The following DYM variants were observed in gnomAD, a reference collection of about 807,000 sequenced individuals.
The protein encoded by DYM is dymeclin.
Under a neutral mutation model 93.1 loss-of-function variants are expected in DYM, and 78 were observed. That is an observed-to-expected ratio of 0.84 (90% CI 0.70 to 1.01). DYM has a LOEUF of 1.01. DYM is among the 50% of genes least tolerant of loss of function. The probability of loss-of-function intolerance (pLI) is 0.00; values close to 1 mark genes in which losing one functional copy is unlikely to be tolerated. For synonymous variants in DYM, 321 were observed against 319.7 expected, an observed-to-expected ratio of 1.00 and a Z score of -0.04; for missense variants, 789 against 845.0, an observed-to-expected ratio of 0.93 and a Z score of 0.82.
At chr18:49,144,919 G>A (rs548150957) in intron 15 of DYM, among the ~76,000 whole-genome samples, 1 of 150,812 alleles carries the variant, frequency 6.6e-6, no homozygotes. Flanking sequence ...CAACACAGTG[G>A]GACCCTGCTG....
intron 2 of DYM, among the ~76,000 whole-genome samples, chr18:49,419,150 C>T (rs1392034763): frequency 6.6e-6 from 1 of 152,026 alleles, no homozygotes; most frequent in African/African-American, 2.4e-5. Context: ...ATCAGGAGGT[C>T]AGGAGTTCAA....
chr18:49,233,909 G>A (rs1351811776), intron 13 of DYM, among the ~76,000 whole-genome samples: 3 of 151,634 alleles, frequency 2.0e-5, no homozygotes, highest in East Asian at 3.9e-4. Flanking sequence ...GGTGGATCAC[G>A]AGGTCAAGAG....
intron 17 of DYM, among the ~76,000 whole-genome samples, chr18:49,077,981 A>T (rs927528936): frequency 6.6e-6 from 1 of 151,790 alleles, no homozygotes; most frequent in Non-Finnish European, 1.5e-5. Flanking sequence ...TGCCAATATC[A>T]TATTTTGCTT....
intron 15 of DYM, among the ~76,000 whole-genome samples, chr18:49,160,522 T>A (rs1287947126): frequency 2.7e-5 from 4 of 147,228 alleles, no homozygotes. Context: ...CAAACTCTGC[T>A]AATACAGTAC....
At chr18:49,135,495 A>T (rs2083761236) in intron 15 of DYM, among the ~76,000 whole-genome samples, 1 of 152,204 alleles carries the variant, frequency 6.6e-6, no homozygotes, top group Non-Finnish European at 1.5e-5. Context: ...TGGAAATGAG[A>T]CAATGAACAT....
intron 2 of DYM, among the ~76,000 whole-genome samples, chr18:49,405,824 C>T (rs2071429727): frequency 1.3e-5 from 2 of 152,276 alleles, no homozygotes; most frequent in South Asian, 4.1e-4. Context: ...ACAGTATGGC[C>T]ATTTTAACAA....
At chr18:49,408,856 C>A (rs980353919) in intron 2 of DYM, among the ~76,000 whole-genome samples, 1 of 152,162 alleles carries the variant, frequency 6.6e-6, no homozygotes, top group African/African-American at 2.4e-5. Flanking sequence ...AAATATTGTA[C>A]AGAGTTTATA....
At chr18:49,105,025 A>G (rs1417705441) in intron 16 of DYM, among the ~76,000 whole-genome samples, 1 of 152,200 alleles carries the variant, frequency 6.6e-6, no homozygotes, top group Non-Finnish European at 1.5e-5. Flanking sequence ...TTCAGCTGTG[A>G]ATCCATCTGG....
intron 15 of DYM, among the ~76,000 whole-genome samples, chr18:49,140,018 T>TAGGG (rs746273068): frequency 6.6e-6 from 1 of 152,320 alleles, no homozygotes; most frequent in Non-Finnish European, 1.5e-5. Context: ...ACTCTGTACT[T>TAGGG]ACGCCCACAG....
intron 17 of DYM, among the ~76,000 whole-genome samples, chr18:49,050,775 C>T (rs1397278386): frequency 1.3e-5 from 2 of 152,108 alleles, no homozygotes; most frequent in East Asian, 1.9e-4. Flanking sequence ...CTTCACAACA[C>T]TCAGTGCAAT....
At chr18:49,391,783 A>G in intron 2 of DYM, 138 bp from the exon 3 acceptor site, 1 of 644,828 alleles carries the variant, frequency 1.6e-6, no homozygotes, top group South Asian at 2.2e-5. Context: ...CAATAAGATC[A>G]GCAAAAAAAA....
intron 2 of DYM, among the ~76,000 whole-genome samples, chr18:49,418,839 C>A (rs1019166301): frequency 6.6e-6 from 1 of 152,062 alleles, no homozygotes; most frequent in South Asian, 2.1e-4. Context: ...ATATCAAATA[C>A]CATCAGTGAG....
chr18:49,391,090 A>G (rs1318067866), intron 3 of DYM, among the ~76,000 whole-genome samples: 2 of 152,216 alleles, frequency 1.3e-5, no homozygotes, highest in African/African-American at 2.4e-5. Context: ...ATTTTTCCTT[A>G]TAAGAATCCT....
intron 5 of DYM, among the ~76,000 whole-genome samples, chr18:49,368,906 T>A (rs1374743928): frequency 3.3e-5 from 5 of 152,242 alleles, no homozygotes; most frequent in Admixed American, 2.0e-4. Flanking sequence ...CTATCTTGTA[T>A]CACTTTTTTG....
intron 13 of DYM, among the ~76,000 whole-genome samples, chr18:49,243,033 C>G (rs757318368): frequency 6.6e-6 from 1 of 152,162 alleles, no homozygotes; most frequent in African/African-American, 2.4e-5. Context: ...GCTTAGGGAA[C>G]GGCCAAGAGC....
chr18:49,086,711 G>A (rs1392640099), intron 17 of DYM, among the ~76,000 whole-genome samples: 1 of 152,070 alleles, frequency 6.6e-6, no homozygotes, highest in Non-Finnish European at 1.5e-5. Flanking sequence ...GAGACTGCAG[G>A]GCTGGGCGCG....
At chr18:49,151,488 T>A (rs2085810795) in intron 15 of DYM, among the ~76,000 whole-genome samples, 1 of 152,230 alleles carries the variant, frequency 6.6e-6, no homozygotes. Context: ...TAGCTTTGAC[T>A]ATAATCAACT....
At chr18:49,402,778 A>G (rs971273610) in intron 2 of DYM, among the ~76,000 whole-genome samples, 1 of 152,320 alleles carries the variant, frequency 6.6e-6, no homozygotes, top group African/African-American at 2.4e-5. Context: ...GCCATCAATT[A>G]GCAAAACTCC....
At chr18:49,306,524 T>C (rs1306312648) in intron 8 of DYM, among the ~76,000 whole-genome samples, 1 of 152,190 alleles carries the variant, frequency 6.6e-6, no homozygotes, top group African/African-American at 2.4e-5. Flanking sequence ...TCCTGGAACA[T>C]TAATTTTCTA....
Sources: gnomAD v4.1 joint callset for allele counts (sites outside exome capture counted in the v4.1 genomes callset) on GRCh38, gnomAD v4.1.1 for gene constraint, MANE v1.5 for transcripts, NCBI Gene and HGNC (gene_info 2026-07-23, HGNC 2026-07-21) for gene names.